The following PSMD9 variants were observed in gnomAD, a reference collection of about 807,000 sequenced individuals.
The protein encoded by PSMD9 is proteasome 26S subunit, non-ATPase 9.
In PSMD9, 26 loss-of-function variants were observed where a neutral mutation model predicts 25.9. That is an observed-to-expected ratio of 1.00 (90% CI 0.73 to 1.39). The LOEUF (loss-of-function observed/expected upper bound fraction) is 1.39. Ranked by LOEUF, PSMD9 falls within the 40% of genes most tolerant of loss-of-function variation. The pLI, the probability that PSMD9 is intolerant of heterozygous loss-of-function variation, is 0.00. For missense variants in PSMD9, 303 were observed against 299.3 expected, an observed-to-expected ratio of 1.01 and a Z score of -0.09; for synonymous variants, 110 against 114.5, an observed-to-expected ratio of 0.96 and a Z score of 0.25.
Position 121,888,799 on chromosome 12 carries a change from T to G in PSMD9, c.-58T>G. The G allele has an allele frequency of 6.4e-7, 1 of 1,558,642 alleles. No individual in the cohort carries two copies. Among genetic ancestry groups the G allele is most frequent in the South Asian group, 1.2e-5 (1 of 84,898 alleles). On this transcript the variant is annotated 5_prime_UTR_variant, in exon 1 of 6. Coordinates refer to ENST00000541212, the MANE Select transcript of PSMD9 (RefSeq NM_002813.7). ...GGGCGGAGCCGTAGTTACGGTCGACTGGGGCGTCGTCCCTAGCCCGGGAGC... is the reference window on the plus strand; with the variant it reads ...GGGCGGAGCCGTAGTTACGGTCGACGGGGGCGTCGTCCCTAGCCCGGGAGC...
chr12:121,901,782 TCTC>T (rs1385116478), intron 3 of PSMD9, among the ~76,000 whole-genome samples: 1 of 148,404 alleles, frequency 6.7e-6, no homozygotes, highest in Non-Finnish European at 1.5e-5. Context: ...TTCACGCCAT[TCTC>T]CTGCCTCATC....
In PSMD9 at chr12:121,897,014, G is replaced by A. The variant is rs140680112; in HGVS notation, c.241+2173G>A. On this transcript the variant is annotated intron_variant, in intron 2 of 5. Transcript: ENST00000541212. ...GTGTATGTAAAATATACACATGCGTGTATATATGCAAAATACACATATGAG... is the reference window on the plus strand; with the variant it reads ...GTGTATGTAAAATATACACATGCGTATATATATGCAAAATACACATATGAG... Among the ~76,000 whole-genome samples, 260 of 152,164 alleles carry A rather than the reference G, an allele frequency of 1.7e-3. 4 individuals carry two copies. The East Asian group carries it at 0.033, about 19-fold the overall frequency.
At chr12:121,889,635 TC>T (rs2137671781) in intron 1 of PSMD9, among the ~76,000 whole-genome samples, 1 of 152,316 alleles carries the variant, frequency 6.6e-6, no homozygotes, top group East Asian at 1.9e-4. Context: ...TGTAGCAAAC[TC>T]CCAGCAATGC....
At chr12:121,895,904 G>A (rs897041808) in intron 2 of PSMD9, among the ~76,000 whole-genome samples, 3 of 152,314 alleles carry the variant, frequency 2.0e-5, no homozygotes, top group East Asian at 3.9e-4. Context: ...GTAGGCAACC[G>A]TCTCCACCAC....
intron 4 of PSMD9, among the ~76,000 whole-genome samples, chr12:121,910,723 G>C (rs1879695007): frequency 6.6e-6 from 1 of 151,494 alleles, no homozygotes; most frequent in Non-Finnish European, 1.5e-5. Flanking sequence ...TCACGCCACT[G>C]CACTCTGGCC....
chr12:121,915,816 T>A, intron 4 of PSMD9, 40 bp from the exon 5 acceptor site: 1 of 1,539,884 alleles, frequency 6.5e-7, no homozygotes, highest in Non-Finnish European at 8.9e-7. Context: ...CTCTGAGTAC[T>A]AACGAGGCTG....
rs1878983449 is a variant in PSMD9 at position 121,889,131 on chromosome 12, C to T, written c.138+137C>T. ...AGGCCCAAGGCGCCGCAAGTGCGGC[C>T]TCTGTCGGCACAAGAAGGCAGGCAA... is the stretch of plus-strand genomic sequence containing the variant. On this transcript the variant is annotated intron_variant, in intron 1 of 5. Coordinates refer to ENST00000541212, the MANE Select transcript of PSMD9 (RefSeq NM_002813.7). 3.7e-6 allele frequency: 4 copies of T among 1,092,494 alleles called. No homozygotes were observed. The South Asian group carries it at 6.5e-5, about 18-fold the overall frequency. 67.7% of individuals were successfully genotyped at this position (1,092,494 alleles called of 1,614,324 possible). A position where few individuals can be genotyped will look rare whatever the true frequency, so the allele number is the denominator to read the frequency against.
At chr12:121,889,445 T>C in intron 1 of PSMD9, among the ~76,000 whole-genome samples, 1 of 152,186 alleles carries the variant, frequency 6.6e-6, no homozygotes, top group Non-Finnish European at 1.5e-5. Flanking sequence ...ATCGAACTCA[T>C]GGCCTCAAGC....
intron 4 of PSMD9, among the ~76,000 whole-genome samples, chr12:121,908,491 T>C (rs1300513159): frequency 6.6e-6 from 1 of 152,136 alleles, no homozygotes; most frequent in Non-Finnish European, 1.5e-5. Context: ...AAAATAATTT[T>C]TTAAAAAGTC....
At chr12:121,896,017 A>C (rs553750582) in intron 2 of PSMD9, among the ~76,000 whole-genome samples, 2 of 150,552 alleles carry the variant, frequency 1.3e-5, no homozygotes, top group Middle Eastern at 3.4e-3. Context: ...TTATTTATTT[A>C]TTTTTTGAGA....
chr12:121,893,476 C>T (rs1484486439), intron 1 of PSMD9, among the ~76,000 whole-genome samples: 1 of 152,234 alleles, frequency 6.6e-6, no homozygotes, highest in Non-Finnish European at 1.5e-5. Flanking sequence ...CACCTTAACA[C>T]CACAGAGTTG....
At position 121,899,842 on chromosome 12, in the gene PSMD9, C is replaced by T. The variant is rs765921305; in HGVS notation, c.450C>T (p.Ile150=). Residue 150 remains isoleucine, a synonymous_variant, in exon 3 of 6, where the codon ATC becomes ATT. Transcript: ENST00000541212. ...NSISPGSPAS[I]AGLQVDDEIV... ...TCAGCCCCGGCTCCCCAGCCAGCAT[C>T]GCGGTAATCCAGGGGTTGGCCACTC... 8.1e-6 allele frequency: 13 copies of T among 1,613,886 alleles called. No homozygotes were observed. Among genetic ancestry groups the T allele is most frequent in the South Asian group, 3.3e-5 (3 of 91,066 alleles).
At chr12:121,906,979 A>C (rs981787312) in intron 4 of PSMD9, among the ~76,000 whole-genome samples, 9 of 151,794 alleles carry the variant, frequency 5.9e-5, no homozygotes, top group South Asian at 4.2e-4. Flanking sequence ...AAAAAAAAAA[A>C]AACCAAAAAA....
chr12:121,891,969 G>A lies in PSMD9; in HGVS notation c.139-2770G>A, dbSNP rs7968036. Among the ~76,000 whole-genome samples the A allele has an allele frequency of 7.7e-3, 1,162 of 150,378 alleles. 12 individuals are homozygous for A. Among genetic ancestry groups the A allele is most frequent in the African/African-American group, 0.027 (1,099 of 41,040 alleles). On this transcript the variant is annotated intron_variant, in intron 1 of 5. Coordinates refer to ENST00000541212, the MANE Select transcript of PSMD9 (RefSeq NM_002813.7). ...ATAAATCTCGTATAATAAAGCATAGGAGTAAATCTTCATGACCTTGGATTA... is the reference window on the plus strand; with the variant it reads ...ATAAATCTCGTATAATAAAGCATAGAAGTAAATCTTCATGACCTTGGATTA...
At chr12:121,906,604 A>G (rs1006871548) in intron 4 of PSMD9, among the ~76,000 whole-genome samples, 4 of 151,188 alleles carry the variant, frequency 2.6e-5, no homozygotes, top group Non-Finnish European at 1.5e-5. Flanking sequence ...AGAGATCGAG[A>G]CCATCCTGCC....
At chr12:121,897,015 T>C (rs1000606388) in intron 2 of PSMD9, among the ~76,000 whole-genome samples, 10 of 152,088 alleles carry the variant, frequency 6.6e-5, no homozygotes, top group Admixed American at 3.3e-4. Flanking sequence ...CACATGCGTG[T>C]ATATATGCAA....
chr12:121,915,445 A>T (rs75350349), intron 4 of PSMD9: 6,390 of 165,672 alleles, frequency 0.039, 428 homozygotes, highest in African/African-American at 0.14. Context: ...CTATTGATGG[A>T]CATTTCTGGT....
chr12:121,912,820 A>G (rs1306065235), intron 4 of PSMD9, among the ~76,000 whole-genome samples: 2 of 136,936 alleles, frequency 1.5e-5, no homozygotes, highest in Non-Finnish European at 3.1e-5. Flanking sequence ...GAGCTAAGGG[A>G]TTGCATCACT....
chr12:121,916,218 C>T, intron 5 of PSMD9, 66 bp from the exon 6 acceptor site: 4 of 1,579,158 alleles, frequency 2.5e-6, no homozygotes, highest in Non-Finnish European at 3.5e-6. Context: ...GTCAGAAGGG[C>T]TCAGCCTCTG....
Sources: allele counts gnomAD v4.1 joint callset (sites outside exome capture counted in the v4.1 genomes callset), GRCh38; gene constraint gnomAD v4.1.1; transcripts MANE v1.5; gene names NCBI Gene and HGNC (gene_info 2026-07-23, HGNC 2026-07-21).